The following ATP2B1 variants were observed in gnomAD, a reference collection of about 807,000 sequenced individuals.
ATP2B1 encodes ATPase plasma membrane Ca2+ transporting 1.
ATP2B1 carries 14 observed loss-of-function variants against 124.2 expected under a neutral mutation model. The observed-to-expected ratio is 0.11, with a 90% CI of 0.07 to 0.18. ATP2B1 has a LOEUF of 0.18. Among genes scored for constraint, ATP2B1 ranks in the 10% least tolerant of loss-of-function variants. The pLI, the probability that ATP2B1 is intolerant of heterozygous loss-of-function variation, is 1.00. For synonymous variants in ATP2B1, 449 were observed against 492.4 expected (o/e 0.91, Z 1.17); for missense variants, 763 against 1,466.1 (o/e 0.52, Z 7.83).
At chr12:89,635,819 C>T (rs1266153852) in intron 3 of ATP2B1, among the ~76,000 whole-genome samples, 1 of 152,078 alleles carries the variant, frequency 6.6e-6, no homozygotes, top group African/African-American at 2.4e-5. Flanking sequence ...AAAAGTTAAG[C>T]AAACTGCTAC....
chr12:89,597,858 T>C (rs1874946031), intron 20 of ATP2B1, among the ~76,000 whole-genome samples: 1 of 151,864 alleles, frequency 6.6e-6, no homozygotes, highest in South Asian at 2.1e-4. Flanking sequence ...GGTTCAACGA[T>C]TAATCAATAG....
At chr12:89,651,683 G>A (rs752838962) in intron 2 of ATP2B1, among the ~76,000 whole-genome samples, 2 of 151,970 alleles carry the variant, frequency 1.3e-5, no homozygotes, top group Non-Finnish European at 2.9e-5. Flanking sequence ...TAGAGAAGAG[G>A]GAACACAGCT....
intron 2 of ATP2B1, among the ~76,000 whole-genome samples, chr12:89,653,797 T>C (rs1194821713): frequency 2.0e-5 from 3 of 152,182 alleles, no homozygotes; most frequent in Admixed American, 2.0e-4. Context: ...AAAGAAACTG[T>C]AGTGCAAACT....
In ATP2B1 at chr12:89,626,599, A is replaced by G; in HGVS notation, c.984T>C (p.Gly328=). The change falls in exon 8 of 21, where the codon GGT becomes GGC. Residue 328 remains glycine (G), a synonymous_variant. Transcript: ENST00000428670. ...ENRNKAKAQD[G]AAMEMQPLKS... The stretch of plus-strand genomic sequence containing the variant: ...TCAATGGCTGCATTTCCATGGCTGC[A>G]CCATCCTGGGCTTTTGCTACATTTA... The G allele has an allele frequency of 1.2e-6, 2 of 1,608,728 alleles. No homozygotes were observed. The highest frequency in any genetic ancestry group is 1.7e-6 in the Non-Finnish European group (2 of 1,178,588).
intron 1 of ATP2B1, among the ~76,000 whole-genome samples, chr12:89,688,570 A>G (rs971721557): frequency 6.6e-6 from 1 of 152,108 alleles, no homozygotes; most frequent in African/African-American, 2.4e-5. Context: ...TATCCCCAAA[A>G]TCTAGCCTAG....
chr12:89,601,468 C>A (rs1164082437), intron 18 of ATP2B1, 35 bp from the exon 19 acceptor site: 3 of 1,373,034 alleles, frequency 2.2e-6, no homozygotes, highest in Non-Finnish European at 3.0e-6. Context: ...TTACTTAAAT[C>A]TTAAATTTTA....
Position 89,665,301 on chromosome 12 carries a change from A to G in ATP2B1, c.-221-9194T>C, listed in dbSNP as rs561585694. Among the ~76,000 whole-genome samples the G allele has an allele frequency of 9.2e-5, 14 of 152,306 alleles. No individual in the cohort carries two copies. In the South Asian group the frequency reaches 2.7e-3, roughly 29 times the overall value. ...ATAAACACTGCAAATAATTTCTTTTATTCAAAAAATGTGGAGACTCATATT... is the reference window on the plus strand; with the variant it reads ...ATAAACACTGCAAATAATTTCTTTTGTTCAAAAAATGTGGAGACTCATATT... On this transcript the variant is annotated intron_variant, in intron 1 of 20. Transcript: ENST00000428670.
chr12:89,684,806 T>C (rs747258074), intron 1 of ATP2B1, among the ~76,000 whole-genome samples: 44 of 152,144 alleles, frequency 2.9e-4, no homozygotes, highest in Non-Finnish European at 1.5e-4. Context: ...CCCATATTAA[T>C]CTAAACAGGA....
chr12:89,664,854 T>C (rs1163142654), intron 1 of ATP2B1, among the ~76,000 whole-genome samples: 1 of 150,776 alleles, frequency 6.6e-6, no homozygotes, highest in Non-Finnish European at 1.5e-5. Flanking sequence ...TGCTATTCTT[T>C]TTTTTTTTTT....
chr12:89,640,350 A>G (rs1249747265), intron 3 of ATP2B1, among the ~76,000 whole-genome samples: 1 of 152,212 alleles, frequency 6.6e-6, no homozygotes, highest in African/African-American at 2.4e-5. Flanking sequence ...GTGATTTTCA[A>G]CCAGAGGCAA....
chr12:89,675,942 C>G (rs1477468143), intron 1 of ATP2B1, among the ~76,000 whole-genome samples: 1 of 152,052 alleles, frequency 6.6e-6, no homozygotes. Flanking sequence ...GAATATTTAA[C>G]AAATCAATTT....
intron 9 of ATP2B1, among the ~76,000 whole-genome samples, chr12:89,622,543 G>T (rs947056054): frequency 4.0e-5 from 6 of 151,888 alleles, no homozygotes; most frequent in African/African-American, 1.5e-4. Flanking sequence ...ATGTGGAATG[G>T]GTTAAAAACT....
In ATP2B1 at chr12:89,589,716, T is replaced by A. The variant is rs1015840386; in HGVS notation, c.*1268A>T. Reference sequence around the variant, plus strand: ...GTTACCATCTTGAAATGTATTCCAATTGTGGTCAAAGAGAACAGACTGATG... The same window carrying A: ...GTTACCATCTTGAAATGTATTCCAAATGTGGTCAAAGAGAACAGACTGATG... On this transcript the variant is annotated 3_prime_UTR_variant, in exon 21 of 21. Transcript: ENST00000428670. The A allele has an allele frequency of 4.6e-5, 7 of 152,102 alleles. No homozygotes were observed. The highest frequency in any genetic ancestry group is 1.0e-4 in the Non-Finnish European group (7 of 67,994). The allele number at this position is 152,102 out of a possible 1,614,324, so 9.4% of individuals were successfully genotyped here. A position where few individuals can be genotyped will look rare whatever the true frequency, so the allele number is the denominator to read the frequency against.
At chr12:89,658,640 A>AGAGG (rs1886290344) in intron 1 of ATP2B1, among the ~76,000 whole-genome samples, 1 of 150,900 alleles carries the variant, frequency 6.6e-6, no homozygotes, top group Non-Finnish European at 1.5e-5. Flanking sequence ...AGAGAGAGAG[A>AGAGG]GAGAGAGATA....
At position 89,603,024 on chromosome 12, in the gene ATP2B1, A is replaced by G. The variant is rs1876183166; in HGVS notation, c.3060+19T>C. The G allele has an allele frequency of 6.2e-7, 1 of 1,607,910 alleles. No individual in the cohort carries two copies. Among genetic ancestry groups the G allele is most frequent in the Non-Finnish European group, 8.5e-7 (1 of 1,175,780 alleles). On this transcript the variant is annotated intron_variant, in intron 18 of 20. Transcript: ENST00000428670. This position sits in a 1 kb window ranked among gnomAD's most constrained non-coding sequence, Gnocchi z 4.3. ...CCATTTAACAGGCAAATTTGAAACT[A>G]TCTTTTCCAATTACCCACCTGTACC...
Position 89,642,147 on chromosome 12 carries a change from C to A in ATP2B1, c.406+11G>T, listed in dbSNP as rs756636621. ...GCATCAGACATGTCTTTTTTCCCCC[C>A]ATTTACTTACGTGCATTATCCCCTT... On this transcript the variant is annotated intron_variant, in intron 3 of 20. Transcript: ENST00000428670. 6.3e-7 allele frequency: 1 copy of A among 1,598,928 alleles called. No individual in the cohort carries two copies. Among genetic ancestry groups the A allele is most frequent in the Non-Finnish European group, 8.5e-7 (1 of 1,171,344 alleles).
chr12:89,639,504 AAT>A (rs552054933), intron 3 of ATP2B1, among the ~76,000 whole-genome samples: 3 of 151,310 alleles, frequency 2.0e-5, no homozygotes, highest in African/African-American at 2.4e-5. Context: ...ACTCTGTCTC[AAT>A]ATATATATAG....
At chr12:89,642,041 A>T (rs904251994) in intron 3 of ATP2B1, 117 bp downstream of exon 3, 4 of 1,000,934 alleles carry the variant, frequency 4.0e-6, no homozygotes, top group Non-Finnish European at 6.0e-6. Context: ...TACTTAGAAC[A>T]GTGCCTAGCA....
intron 3 of ATP2B1, among the ~76,000 whole-genome samples, chr12:89,638,626 T>C (rs931391436): frequency 3.3e-5 from 5 of 152,170 alleles, no homozygotes; most frequent in African/African-American, 9.7e-5. Flanking sequence ...AAATTCATTA[T>C]TGAGGGAACA....
Sources: allele counts gnomAD v4.1 joint callset (sites outside exome capture counted in the v4.1 genomes callset), GRCh38; gene constraint gnomAD v4.1.1; non-coding constraint Gnocchi (gnomAD v3.1); transcripts MANE v1.5; gene names NCBI Gene and HGNC (gene_info 2026-07-23, HGNC 2026-07-21).